Variants in RBSN observed in about 807,000 individuals in gnomAD.
RBSN encodes rabenosyn, RAB effector.
In RBSN, 34 loss-of-function variants were observed where a neutral mutation model predicts 60.5. The observed-to-expected ratio is 0.56, with a 90% CI of 0.43 to 0.75. RBSN has a LOEUF of 0.75. Among genes scored for constraint, RBSN ranks in the 30% least tolerant of loss-of-function variants. The pLI is 0.00. For synonymous variants in RBSN, 322 were observed against 366.9 expected, an observed-to-expected ratio of 0.88 and a Z score of 1.40; for missense variants, 845 against 986.8, an observed-to-expected ratio of 0.86 and a Z score of 1.92.
At position 15,074,009 on chromosome 3, in the gene RBSN, G is replaced by A. The variant is rs1286649731; in HGVS notation, c.2128C>T (p.Pro710Ser). 6.2e-7 allele frequency: 1 copy of A among 1,614,076 alleles called. No homozygotes were observed. The highest frequency in any genetic ancestry group is 1.3e-5 in the African/African-American group (1 of 74,982). ...RLSSPLVPGN[P>S]FEEPTCINPF... ...TTGATACAGGTGGGTTCCTCAAAGG[G>A]GTTACCAGGAACCAGAGGGCTTGAG... The change falls in exon 14 of 14, where the codon CCC becomes TCC. Residue 710 changes from proline (P) to serine (S), a missense_variant. Transcript: ENST00000253699. This position sits in a 1 kb window ranked among gnomAD's most constrained non-coding sequence, Gnocchi z 6.4.
Position 15,084,632 on chromosome 3 carries a change from C to T in RBSN, c.598+103G>A. On this transcript the variant is annotated intron_variant, in intron 8 of 13. Transcript: ENST00000253699. This position sits in a 1 kb window ranked among gnomAD's most constrained non-coding sequence, Gnocchi z 4.2. ...CTCAATGAATGAAGATTCCCATGAGCCATTAATTTAACAAAAAGGTTCCAC... is the reference window on the plus strand; with the variant it reads ...CTCAATGAATGAAGATTCCCATGAGTCATTAATTTAACAAAAAGGTTCCAC... The T allele has an allele frequency of 7.2e-7, 1 of 1,384,358 alleles. No individual in the cohort carries two copies. The highest frequency in any genetic ancestry group is 9.8e-7 in the Non-Finnish European group (1 of 1,019,990). 85.8% of individuals were successfully genotyped at this position (1,384,358 alleles called of 1,614,324 possible). A position where few individuals can be genotyped will look rare whatever the true frequency, so the allele number is the denominator to read the frequency against.
chr3:15,095,961 C>G lies in RBSN; in HGVS notation c.148+12G>C, dbSNP rs778666047. 10 of 1,614,042 alleles carry G rather than the reference C, an allele frequency of 6.2e-6. No homozygotes were observed. Among genetic ancestry groups the G allele is most frequent in the Admixed American group, 1.7e-5 (1 of 60,004 alleles). On this transcript the variant is annotated intron_variant, in intron 4 of 13. Coordinates refer to ENST00000253699, the MANE Select transcript of RBSN (RefSeq NM_022340.4). ...ACGACAGCAGGGGATAGGCAAGGTCCTCGCCTCTTACTTTTAATTTGCCCT... is the reference window on the plus strand; with the variant it reads ...ACGACAGCAGGGGATAGGCAAGGTCGTCGCCTCTTACTTTTAATTTGCCCT...
intron 5 of RBSN, 78 bp downstream of exon 5, chr3:15,090,321 G>GC (rs1448654473): frequency 6.6e-7 from 1 of 1,521,812 alleles, no homozygotes; most frequent in African/African-American, 1.4e-5. Flanking sequence ...TGCCTCCTCA[G>GC]CCAACTCTTA....
intron 10 of RBSN, among the ~76,000 whole-genome samples, chr3:15,079,229 AT>A (rs1258415896): frequency 1.3e-5 from 2 of 152,230 alleles, no homozygotes; most frequent in Non-Finnish European, 1.5e-5. Flanking sequence ...AAACATGGGC[AT>A]GGCTGTGTTC....
rs2043035094 is a variant in RBSN at position 15,075,649 on chromosome 3, T to C, written c.1163A>G (p.Lys388Arg). The C allele has an allele frequency of 6.2e-7, 1 of 1,614,090 alleles. No homozygotes were observed. The highest frequency in any genetic ancestry group is 1.3e-5 in the African/African-American group (1 of 74,934). The part of the protein sequence containing the change: ...TKEQFEELKK[K>R]RKEEMERKRA... The stretch of plus-strand genomic sequence containing the variant: ...CTTCCTCTCCATTTCCTCCTTCCTT[T>C]TCTTTTTCAGTTCCTCAAACTGTTC... The change falls in exon 13 of 14, where the codon AAA becomes AGA. Residue 388 changes from lysine to arginine, a missense_variant. By Grantham distance (26) the Lys-to-Arg change is conservative. Transcript: ENST00000253699.
intron 4 of RBSN, among the ~76,000 whole-genome samples, chr3:15,095,225 T>C (rs1332929319): frequency 1.3e-5 from 2 of 151,868 alleles, no homozygotes; most frequent in South Asian, 4.2e-4. Flanking sequence ...GGTTTCGCCA[T>C]GTTGCCCAGG....
In RBSN at chr3:15,082,920, T is replaced by A. The variant is rs907319586; in HGVS notation, c.599-312A>T. 6.6e-6 allele frequency among the ~76,000 whole-genome samples: 1 copy of A among 152,182 alleles called. No homozygotes were observed. Among genetic ancestry groups the A allele is most frequent in the Admixed American group, 6.5e-5 (1 of 15,274 alleles). On this transcript the variant is annotated intron_variant, in intron 8 of 13. Coordinates refer to ENST00000253699, the MANE Select transcript of RBSN (RefSeq NM_022340.4). This position sits in a 1 kb window ranked among gnomAD's most constrained non-coding sequence, Gnocchi z 4.2. ...ACAGCCTTCTCCCTATTCCCAAACA[T>A]CTGGCTCCTACCCTCTCTGAATGGC...
rs2042966082 is a variant in RBSN, at chr3:15,073,444, G to C, written c.*338C>G. 2 of 257,200 alleles carry C rather than the reference G, an allele frequency of 7.8e-6. No individual in the cohort carries two copies. The highest frequency in any genetic ancestry group is 2.3e-5 in the African/African-American group (1 of 44,390). 15.9% of individuals were successfully genotyped at this position (257,200 alleles called of 1,614,324 possible). ...CAAGAGGTACACAGCAGCCATTTCTGCCCTGGGCCCAACAGAGCTGCATTT... is the reference window on the plus strand; with the variant it reads ...CAAGAGGTACACAGCAGCCATTTCTCCCCTGGGCCCAACAGAGCTGCATTT... On this transcript the variant is annotated 3_prime_UTR_variant, in exon 14 of 14. Transcript: ENST00000253699.
At chr3:15,078,555 G>A (rs2043110246) in intron 10 of RBSN, among the ~76,000 whole-genome samples, 1 of 151,698 alleles carries the variant, frequency 6.6e-6, no homozygotes, top group Non-Finnish European at 1.5e-5. Flanking sequence ...ACCCAAGGAG[G>A]TTCGAGACCA....
chr3:15,096,374 A>G (rs768469465), intron 3 of RBSN, 86 bp from the exon 4 acceptor site: 2 of 392,564 alleles, frequency 5.1e-6, no homozygotes, highest in Non-Finnish European at 9.0e-6. Flanking sequence ...TCACAGTTCA[A>G]TGGGGTACTT....
chr3:15,075,819 G>T, intron 12 of RBSN, 109 bp from the exon 13 acceptor site: 1 of 851,236 alleles, frequency 1.2e-6, no homozygotes. Context: ...TTCTCAGAGA[G>T]TGACATCATT....
In RBSN at chr3:15,073,746, G is replaced by C. The variant is rs2042973114; in HGVS notation, c.*36C>G. ...TGTCCTGCTCCACTGGCTCCTGCCA[G>C]ACCCCTGGGCCCAAAGGTGCCCTCT... is the stretch of plus-strand genomic sequence containing the variant. On this transcript the variant is annotated 3_prime_UTR_variant, in exon 14 of 14. Coordinates refer to ENST00000253699, the MANE Select transcript of RBSN (RefSeq NM_022340.4). The C allele has an allele frequency of 6.4e-7, 1 of 1,562,082 alleles. No homozygotes were observed. Among genetic ancestry groups the C allele is most frequent in the Non-Finnish European group, 8.6e-7 (1 of 1,156,734 alleles).
intron 5 of RBSN, 129 bp from the exon 6 acceptor site, chr3:15,086,090 CCAA>C: frequency 7.4e-5 from 12 of 162,994 alleles, no homozygotes; most frequent in South Asian, 7.0e-4. Context: ...CCGTCTCTCT[CCAA>C]AAAAAAAAAA....
rs778645473 is a variant in RBSN at position 15,074,071 on chromosome 3, G to T, written c.2066C>A (p.Pro689His). The T allele has an allele frequency of 2.5e-6, 4 of 1,614,010 alleles. No homozygotes were observed. In the South Asian group the frequency reaches 3.3e-5, roughly 13 times the overall value. Residue 689 changes from proline to histidine, a missense_variant, in exon 14 of 14, where the codon CCC becomes CAC. Transcript: ENST00000253699. The surrounding 1 kb of genome is among the most constrained non-coding windows in gnomAD (Gnocchi z 6.4). Reference sequence around the variant, plus strand: ...GGGATGTTCGTCTTCCTCACTGAAGGGGTTAGGAGCTGGGCTGTCTGGCTG... The same window carrying T: ...GGGATGTTCGTCTTCCTCACTGAAGTGGTTAGGAGCTGGGCTGTCTGGCTG... ...FIQPDSPAPNPFSEEDEHPQQ... is the reference protein window; with the variant it reads ...FIQPDSPAPNHFSEEDEHPQQ...
chr3:15,082,501 T>C lies in RBSN; in HGVS notation c.706A>G (p.Ser236Gly). The change falls in exon 9 of 14, where the codon AGT becomes GGT. Residue 236 changes from serine (S) to glycine (G), a missense_variant. By Grantham distance (56) the Ser-to-Gly change is moderately conservative. Coordinates refer to ENST00000253699, the MANE Select transcript of RBSN (RefSeq NM_022340.4). The surrounding 1 kb of genome is among the most constrained non-coding windows in gnomAD (Gnocchi z 4.2). ...TTCTCATCCAGGACCGAGCTGACAC[T>C]GCTCATGCTGCTGATGCTGCCTCGG... ...SRRGSISSMS[S>G]VSSVLDEKDD... 6.2e-7 allele frequency: 1 copy of C among 1,614,198 alleles called. No individual in the cohort carries two copies. Among genetic ancestry groups the C allele is most frequent in the Non-Finnish European group, 8.5e-7 (1 of 1,180,020 alleles).
At chr3:15,081,999 G>C (rs370225636) in intron 9 of RBSN, among the ~76,000 whole-genome samples, 8 of 152,342 alleles carry the variant, frequency 5.3e-5, no homozygotes, top group African/African-American at 1.9e-4. Flanking sequence ...TCCCAAGTGA[G>C]TTTCCCAGGA....
In RBSN at chr3:15,084,844, A is replaced by T; in HGVS notation, c.489T>A (p.Cys163Ter). Residue 163 changes from cysteine (C) to a stop codon, truncating the protein, a stop_gained, in exon 8 of 14, where the codon TGT (cysteine) becomes TGA (stop). Coordinates refer to ENST00000253699, the MANE Select transcript of RBSN (RefSeq NM_022340.4). LOFTEE classifies it high-confidence loss of function. The surrounding 1 kb of genome is among the most constrained non-coding windows in gnomAD (Gnocchi z 4.2). Reference sequence around the variant, plus strand: ...TGCTGAACTTATTCCCACAGTCTGGACAGAAAGGGACATCCTGGTCGTTGA... The same window carrying T: ...TGCTGAACTTATTCCCACAGTCTGGTCAGAAAGGGACATCCTGGTCGTTGA... Reference protein sequence around the residue: ...PWVNDQDVPFCPDCGNKFSIR... With the variant: ...PWVNDQDVPF 5.6e-6 allele frequency: 9 copies of T among 1,614,170 alleles called. No homozygotes were observed. Among genetic ancestry groups the T allele is most frequent in the Non-Finnish European group, 7.6e-6 (9 of 1,180,026 alleles).
rs1559347523 is a variant in RBSN, at chr3:15,085,056, G to A, written c.391-11C>T. The A allele has an allele frequency of 6.2e-7, 1 of 1,614,118 alleles. No homozygotes were observed. The highest frequency in any genetic ancestry group is 1.7e-5 in the Admixed American group (1 of 60,004). On this transcript the variant is annotated splice_polypyrimidine_tract_variant and intron_variant, in intron 6 of 13. Transcript: ENST00000253699. ...GTCAAATGCAGTGAGCTGACCGGAAGAAAATAGTGCCAAATGAAATTAACC... is the reference window on the plus strand; with the variant it reads ...GTCAAATGCAGTGAGCTGACCGGAAAAAAATAGTGCCAAATGAAATTAACC...
chr3:15,078,145 A>G lies in RBSN; in HGVS notation c.928T>C (p.Tyr310His). 1.2e-6 allele frequency: 2 copies of G among 1,614,190 alleles called. No homozygotes were observed. Among genetic ancestry groups the G allele is most frequent in the East Asian group, 2.2e-5 (1 of 44,888 alleles). The change falls in exon 11 of 14, where the codon TAC becomes CAC. Residue 310 changes from tyrosine to histidine, a missense_variant. By Grantham distance (83) the Tyr-to-His change is moderately conservative. Transcript: ENST00000253699. ...AGGTCACTGGCATGTTCCAGACTGTAGGTTGTCTCCCCAGCACTAAGGAGA... is the reference window on the plus strand; with the variant it reads ...AGGTCACTGGCATGTTCCAGACTGTGGGTTGTCTCCCCAGCACTAAGGAGA... ...AASLNAGETT[Y>H]SLEHASDLRV...
Sources: allele counts gnomAD v4.1 joint callset (sites outside exome capture counted in the v4.1 genomes callset), GRCh38; gene constraint gnomAD v4.1.1; non-coding constraint Gnocchi (gnomAD v3.1); transcripts MANE v1.5; gene names NCBI Gene and HGNC (gene_info 2026-07-23, HGNC 2026-07-21).